Variants in WWC1 observed in about 807,000 individuals in gnomAD.
The protein encoded by WWC1 is protein KIBRA.
WWC1 carries 55 observed loss-of-function variants against 138.4 expected under a neutral mutation model. The ratio of observed to expected loss-of-function variants is 0.40; its 90% CI spans 0.32 to 0.50. The LOEUF (loss-of-function observed/expected upper bound fraction) is 0.50. WWC1 is among the 20% of genes least tolerant of loss of function. WWC1 has a pLI of 0.72. For missense variants in WWC1, 1,226 were observed against 1,420.4 expected, an observed-to-expected ratio of 0.86 and a Z score of 2.20; for synonymous variants, 524 against 564.9, an observed-to-expected ratio of 0.93 and a Z score of 1.03.
Position 168,292,047 on chromosome 5 carries a change from T to A in WWC1, c.-106T>A. 1 of 1,340,324 alleles carries A rather than the reference T, an allele frequency of 7.5e-7. No individual in the cohort carries two copies. Among genetic ancestry groups the A allele is most frequent in the Non-Finnish European group, 9.6e-7 (1 of 1,040,822 alleles). The allele number at this position is 1,340,324 out of a possible 1,614,324, so 83.0% of individuals were successfully genotyped here. Reference sequence around the variant, plus strand: ...CCATCTGCGGGCGCCACCCCCCGGATCATGGTGCCTCGGCGGCCGCCCGGG... The same window carrying A: ...CCATCTGCGGGCGCCACCCCCCGGAACATGGTGCCTCGGCGGCCGCCCGGG... On this transcript the variant is annotated 5_prime_UTR_variant, in exon 1 of 23. Transcript: ENST00000265293. The surrounding 1 kb of genome is among the most constrained non-coding windows in gnomAD (Gnocchi z 4.4).
At chr5:168,442,465 A>T (rs1048146065) in intron 16 of WWC1, among the ~76,000 whole-genome samples, 4 of 138,482 alleles carry the variant, frequency 2.9e-5, no homozygotes, top group South Asian at 2.2e-4. Flanking sequence ...AAATTTAATT[A>T]AAAAAAAAAG....
rs187777550 is a variant in WWC1, at chr5:168,461,922, G to T, written c.2916+1180G>T. ...AAATACAAAATTAGCTGGGCGTGGTGGTGCATGCCTGTAATCCCAGCTACT... is the reference window on the plus strand; with the variant it reads ...AAATACAAAATTAGCTGGGCGTGGTTGTGCATGCCTGTAATCCCAGCTACT... On this transcript the variant is annotated intron_variant, in intron 20 of 22. Transcript: ENST00000265293. Among the ~76,000 whole-genome samples the T allele has an allele frequency of 6.4e-4, 97 of 152,162 alleles. 1 individual carries two copies. The East Asian group carries it at 0.01, about 16-fold the overall frequency.
In WWC1 at chr5:168,292,615, G is replaced by T. The variant is rs1325554072; in HGVS notation, c.119+344G>T. ...AGAGGTCGGGCGGGGGCGGGGGTTG[G>T]GGGAGCGACCTAGCCGGGTGAAGCC... On this transcript the variant is annotated intron_variant, in intron 1 of 22. Coordinates refer to ENST00000265293, the MANE Select transcript of WWC1 (RefSeq NM_015238.3). This position sits in a 1 kb window ranked among gnomAD's most constrained non-coding sequence, Gnocchi z 4.4. 2.0e-5 allele frequency among the ~76,000 whole-genome samples: 3 copies of T among 152,082 alleles called. No homozygotes were observed. The East Asian group carries it at 5.8e-4, about 30-fold the overall frequency.
intron 2 of WWC1, among the ~76,000 whole-genome samples, chr5:168,376,986 A>C (rs974930700): frequency 6.6e-6 from 1 of 152,222 alleles, no homozygotes; most frequent in Non-Finnish European, 1.5e-5. Context: ...AAATCTAAGC[A>C]AAAAGAACAA....
Position 168,454,033 on chromosome 5 carries a change from AGG to A in WWC1, c.2592_2593del (p.Glu865GlyfsTer13). The A allele has an allele frequency of 6.2e-7, 1 of 1,612,670 alleles. No homozygotes were observed. Among genetic ancestry groups the A allele is most frequent in the South Asian group, 1.1e-5 (1 of 90,956 alleles). On this transcript the variant is annotated frameshift_variant, in exon 18 of 23. Transcript: ENST00000265293. LOFTEE classifies it high-confidence loss of function. ...GAAGAGGAGGAGGAGGTGGAGGAGG[AGG>A]AGGGAGAAGAGGATGTTTTCACCGA...
At chr5:168,414,738 T>A in intron 9 of WWC1, 148 bp downstream of exon 9, 1 of 1,197,048 alleles carries the variant, frequency 8.4e-7, no homozygotes, top group Non-Finnish European at 1.1e-6. Flanking sequence ...GTTGCCGACA[T>A]AGGAAATCAG....
In WWC1 at chr5:168,454,131, T is replaced by C. The variant is rs950301533; in HGVS notation, c.2658+31T>C. 5 of 1,603,450 alleles carry C rather than the reference T, an allele frequency of 3.1e-6. No homozygotes were observed. The African/African-American group carries it at 6.8e-5, about 22-fold the overall frequency. On this transcript the variant is annotated intron_variant, in intron 18 of 22. Transcript: ENST00000265293. ...AAGGGCTGGGGGGATAGAAGGGCTG[T>C]CGTGGGGAAGGAACCTTCAATCCTT... is the stretch of plus-strand genomic sequence containing the variant.
intron 1 of WWC1, among the ~76,000 whole-genome samples, chr5:168,345,646 G>A (rs1289091005): frequency 6.6e-6 from 1 of 152,206 alleles, no homozygotes; most frequent in Non-Finnish European, 1.5e-5. Flanking sequence ...CCATAAAGAT[G>A]TTGACAGTAA....
At chr5:168,450,726 T>C (rs1755721890) in intron 17 of WWC1, among the ~76,000 whole-genome samples, 1 of 152,052 alleles carries the variant, frequency 6.6e-6, no homozygotes, top group South Asian at 2.1e-4. Flanking sequence ...AACCTGAAAT[T>C]ATAGAAGTTC....
chr5:168,337,349 A>AG (rs144005327), intron 1 of WWC1, among the ~76,000 whole-genome samples: 152,226 of 152,232 alleles, frequency 1, 76,110 homozygotes, highest in Non-Finnish European at 1. Context: ...CGGTGTAACT[A>AG]GGAAGGTTTT....
chr5:168,396,736 G>A (rs751986853), intron 3 of WWC1, among the ~76,000 whole-genome samples: 9 of 152,064 alleles, frequency 5.9e-5, no homozygotes, highest in Non-Finnish European at 1.2e-4. Context: ...GTATTTTACT[G>A]TGTAGTATTC....
At position 168,332,760 on chromosome 5, in the gene WWC1, G is replaced by A. The variant is rs1449161888; in HGVS notation, c.120-38664G>A. Among the ~76,000 whole-genome samples the A allele has an allele frequency of 3.3e-5, 5 of 151,932 alleles. No individual in the cohort carries two copies. In the East Asian group the frequency reaches 9.7e-4, roughly 29 times the overall value. ...GTCTCACTCTGCCGCCCAGGCTGGA[G>A]TGCAGTGGCACAATCTCAGCTCACT... On this transcript the variant is annotated intron_variant, in intron 1 of 22. Coordinates refer to ENST00000265293, the MANE Select transcript of WWC1 (RefSeq NM_015238.3).
Position 168,399,484 on chromosome 5 carries a change from C to T in WWC1, c.511-4C>T. ...AGCCCTGTGTGTGGTCTGCTGCCCT[C>T]CAGGTCAACAAGCTGAAGAGAGAGA... On this transcript the variant is annotated splice_region_variant and splice_polypyrimidine_tract_variant and intron_variant, in intron 4 of 22. Transcript: ENST00000265293. The T allele has an allele frequency of 1.2e-6, 2 of 1,614,094 alleles. No individual in the cohort carries two copies. Among genetic ancestry groups the T allele is most frequent in the Non-Finnish European group, 1.7e-6 (2 of 1,180,010 alleles).
chr5:168,412,245 C>A, intron 8 of WWC1: 1 of 954,776 alleles, frequency 1.0e-6, no homozygotes, highest in Non-Finnish European at 1.2e-6. Context: ...GCTTGCCCCT[C>A]CACCCGAAGC....
chr5:168,378,519 A>C (rs1225610076), intron 2 of WWC1, among the ~76,000 whole-genome samples: 1 of 152,214 alleles, frequency 6.6e-6, no homozygotes, highest in Non-Finnish European at 1.5e-5. Context: ...TATTATTTTA[A>C]ATAGCACTCA....
In WWC1 at chr5:168,432,047, C is replaced by CA. The variant is rs10532675; in HGVS notation, c.2280+622dup. The stretch of plus-strand genomic sequence containing the variant: ...CCTGGGCAACAGCAGAACCCTGTGT[C>CA]AAAAAAAAAAAAAAAAAAAGCACAG... On this transcript the variant is annotated intron_variant, in intron 15 of 22. Transcript: ENST00000265293. Among the ~76,000 whole-genome samples the CA allele has an allele frequency of 5.9e-3, 655 of 111,316 alleles. 4 individuals are homozygous for CA. The highest frequency in any genetic ancestry group is 0.015 in the African/African-American group (479 of 32,290). 73.0% of individuals were successfully genotyped at this position (111,316 alleles called of 152,430 possible).
intron 1 of WWC1, among the ~76,000 whole-genome samples, chr5:168,322,740 T>C (rs1393515633): frequency 6.6e-6 from 1 of 152,204 alleles, no homozygotes; most frequent in Non-Finnish European, 1.5e-5. Flanking sequence ...ACCAGGGTGG[T>C]TTGGTGCCAC....
intron 2 of WWC1, among the ~76,000 whole-genome samples, chr5:168,374,104 G>A (rs1223975801): frequency 2.0e-5 from 3 of 150,540 alleles, no homozygotes; most frequent in Non-Finnish European, 2.9e-5. Flanking sequence ...ACAACAATTC[G>A]CTCATACATT....
intron 1 of WWC1, among the ~76,000 whole-genome samples, chr5:168,317,668 A>G (rs1160018070): frequency 6.6e-6 from 1 of 152,174 alleles, no homozygotes; most frequent in East Asian, 1.9e-4. Context: ...TTCAGAGAGA[A>G]AGAAGTCCTG....
Sources: allele counts gnomAD v4.1 joint callset (sites outside exome capture counted in the v4.1 genomes callset), GRCh38; gene constraint gnomAD v4.1.1; non-coding constraint Gnocchi (gnomAD v3.1); transcripts MANE v1.5; gene names NCBI Gene and HGNC (gene_info 2026-07-23, HGNC 2026-07-21).